The following HYDIN variants were observed in gnomAD, a reference collection of about 807,000 sequenced individuals.
The protein encoded by HYDIN is axonemal central pair apparatus protein HYDIN.
HYDIN carries 132 observed loss-of-function variants against 403.9 expected under a neutral mutation model. The observed-to-expected ratio is 0.33, with a 90% CI of 0.28 to 0.38. The LOEUF (loss-of-function observed/expected upper bound fraction) is 0.38. Among genes scored for constraint, HYDIN ranks in the 10% least tolerant of loss-of-function variants. The pLI is 1.00. For synonymous variants in HYDIN, 1,202 were observed against 1,891.7 expected, an observed-to-expected ratio of 0.64 and a Z score of 9.46; for missense variants, 2,827 against 5,009.5, an observed-to-expected ratio of 0.56 and a Z score of 13.15.
chr16:71,210,304 T>C (rs1000380265), intron 1 of HYDIN, among the ~76,000 whole-genome samples: 7 of 152,192 alleles, frequency 4.6e-5, no homozygotes, highest in Non-Finnish European at 1.0e-4. Context: ...GTGGTATATA[T>C]AGACCATGGA....
chr16:71,163,427 T>C (rs1697077406), intron 5 of HYDIN, among the ~76,000 whole-genome samples: 1 of 152,144 alleles, frequency 6.6e-6, no homozygotes, highest in African/African-American at 2.4e-5. Context: ...CCGGCCGATG[T>C]TTCTAACTAA....
At chr16:71,107,686 G>C (rs1004615190) in intron 10 of HYDIN, among the ~76,000 whole-genome samples, 1 of 151,892 alleles carries the variant, frequency 6.6e-6, no homozygotes, top group Non-Finnish European at 1.5e-5. Context: ...TGCTGGTGAG[G>C]TTGTAAAGAA....
At chr16:70,859,278 G>T (rs1474173182) in intron 71 of HYDIN, among the ~76,000 whole-genome samples, 1 of 151,914 alleles carries the variant, frequency 6.6e-6, no homozygotes, top group Admixed American at 6.6e-5. Flanking sequence ...TCCAGCCTGG[G>T]GGACAGAGCA....
At chr16:71,001,969 A>T (rs2079729694) in intron 23 of HYDIN, among the ~76,000 whole-genome samples, 5 of 152,268 alleles carry the variant, frequency 3.3e-5, no homozygotes, top group Admixed American at 3.3e-4. Flanking sequence ...GAGGTGGAAC[A>T]TCTTTTTATT....
intron 23 of HYDIN, among the ~76,000 whole-genome samples, chr16:71,003,045 T>C (rs1227005715): frequency 2.0e-5 from 3 of 152,200 alleles, no homozygotes; most frequent in African/African-American, 7.2e-5. Context: ...GAATAGGCCA[T>C]CCCTTCTCCT....
chr16:70,954,556 T>C (rs1470585271), intron 40 of HYDIN, among the ~76,000 whole-genome samples: 2 of 152,108 alleles, frequency 1.3e-5, no homozygotes, highest in Non-Finnish European at 2.9e-5. Flanking sequence ...TCCTCCTGTG[T>C]TCCCTATCTA....
At chr16:70,854,380 G>A (rs1487556714) in intron 73 of HYDIN, among the ~76,000 whole-genome samples, 10 of 148,196 alleles carry the variant, frequency 6.7e-5, no homozygotes, top group African/African-American at 2.5e-4. Flanking sequence ...GATTACAGGT[G>A]TGTGCCACCA....
At chr16:71,210,553 G>C (rs145583973) in intron 1 of HYDIN, among the ~76,000 whole-genome samples, 1 of 151,868 alleles carries the variant, frequency 6.6e-6, no homozygotes, top group Non-Finnish European at 1.5e-5. Context: ...AAAGCTTTCA[G>C]GTACTATGCT....
At chr16:71,172,572 T>G (rs772184854) in intron 5 of HYDIN, among the ~76,000 whole-genome samples, 8 of 152,314 alleles carry the variant, frequency 5.3e-5, no homozygotes, top group Non-Finnish European at 1.0e-4. Context: ...GTAAATTTGC[T>G]GCACCTGTTA....
At chr16:70,836,823 A>G (rs2037459265) in intron 77 of HYDIN, among the ~76,000 whole-genome samples, 1 of 152,202 alleles carries the variant, frequency 6.6e-6, no homozygotes, top group Admixed American at 6.5e-5. Flanking sequence ...CATCTTCCCA[A>G]AATATCCAAT....
intron 21 of HYDIN, among the ~76,000 whole-genome samples, chr16:71,022,452 G>A (rs1271854130): frequency 6.6e-6 from 1 of 152,178 alleles, no homozygotes; most frequent in Non-Finnish European, 1.5e-5. Flanking sequence ...TTATAAAGTA[G>A]ACCAAATCTG....
intron 43 of HYDIN, among the ~76,000 whole-genome samples, chr16:70,939,196 G>A (rs371000451): frequency 7.6e-4 from 112 of 147,832 alleles, no homozygotes; most frequent in African/African-American, 2.9e-3. Context: ...GAGCCAAGGA[G>A]TGCAGAAGGC....
chr16:71,111,302 C>G, intron 10 of HYDIN, among the ~76,000 whole-genome samples: 1 of 151,092 alleles, frequency 6.6e-6, no homozygotes, highest in Admixed American at 6.6e-5. Context: ...AAGCAATTGG[C>G]AAATGCTAAA....
intron 21 of HYDIN, among the ~76,000 whole-genome samples, chr16:71,022,915 T>C (rs1371588657): frequency 2.0e-5 from 3 of 151,778 alleles, no homozygotes; most frequent in Non-Finnish European, 4.4e-5. Context: ...GGCATAAGGA[T>C]ATAAAGAGAA....
rs140540560 is a variant in HYDIN at position 71,191,451 on chromosome 16, A to G, written c.-23-4533T>C. ...GGTAACAAACCTGTGTATCCTGGAC[A>G]TGTACCCCAGAACTTAAAAAAAAAA... On this transcript the variant is annotated intron_variant, in intron 1 of 85. Coordinates refer to ENST00000393567, the MANE Select transcript of HYDIN (RefSeq NM_001270974.2). Among the ~76,000 whole-genome samples, 1,059 of 152,248 alleles carry G rather than the reference A, an allele frequency of 7.0e-3. 3 individuals are homozygous for G. The highest frequency in any genetic ancestry group is 0.011 in the Non-Finnish European group (738 of 68,024).
At chr16:71,092,370 C>T (rs1196287086) in intron 11 of HYDIN, among the ~76,000 whole-genome samples, 2 of 152,176 alleles carry the variant, frequency 1.3e-5, no homozygotes, top group Non-Finnish European at 1.5e-5. Flanking sequence ...CACCTGCTCA[C>T]TAGAAACCTT....
intron 84 of HYDIN, among the ~76,000 whole-genome samples, chr16:70,816,386 C>T (rs575772232): frequency 6.7e-6 from 1 of 149,850 alleles, no homozygotes; most frequent in African/African-American, 2.5e-5. Flanking sequence ...CCTTTTTGAA[C>T]TGAATAAAAA....
At position 70,974,487 on chromosome 16, in the gene HYDIN, G is replaced by A; in HGVS notation, c.4909+47C>T. On this transcript the variant is annotated intron_variant, in intron 32 of 85. Coordinates refer to ENST00000393567, the MANE Select transcript of HYDIN (RefSeq NM_001270974.2). ...AGGACAGTACTGATGGGTTCCTTGA[G>A]AGAAATGACCAAGTGCAATAGGAAA... 5 of 1,493,316 alleles carry A rather than the reference G, an allele frequency of 3.3e-6. 1 individual carries two copies. The highest frequency in any genetic ancestry group is 3.6e-6 in the Non-Finnish European group (4 of 1,106,392). 92.5% of individuals were successfully genotyped at this position (1,493,316 alleles called of 1,614,324 possible).
chr16:71,137,467 T>C, intron 7 of HYDIN, 115 bp from the exon 8 acceptor site: 1 of 589,866 alleles, frequency 1.7e-6, no homozygotes, highest in South Asian at 2.0e-5. Flanking sequence ...AGGATTTCAT[T>C]CTTTCCACTG....
Sources: gnomAD v4.1 joint callset for allele counts (sites outside exome capture counted in the v4.1 genomes callset) on GRCh38, gnomAD v4.1.1 for gene constraint, MANE v1.5 for transcripts, NCBI Gene and HGNC (gene_info 2026-07-23, HGNC 2026-07-21) for gene names.